The following RHEX variants were observed in gnomAD, a reference collection of about 807,000 sequenced individuals.
The protein encoded by RHEX is regulator of hemoglobinization and erythroid cell expansion.
Under a neutral mutation model 20.1 loss-of-function variants are expected in RHEX, and 18 were observed. The observed-to-expected ratio is 0.90, with a 90% CI of 0.62 to 1.33. The LOEUF is 1.33. RHEX is among the 40% of genes most tolerant of loss of function. RHEX has a pLI of 0.00. For synonymous variants in RHEX, 87 were observed against 77.1 expected (o/e 1.13, Z -0.67); for missense variants, 192 against 214.3 (o/e 0.90, Z 0.65).
intron 1 of RHEX, 123 bp from the exon 2 acceptor site, chr1:206,097,610 C>A: frequency 1.6e-6 from 1 of 622,232 alleles, no homozygotes; most frequent in Non-Finnish European, 2.8e-6. Context: ...AAAGTGGGGA[C>A]TGAAGCAAGT....
chr1:206,062,623 T>C (rs1662328259), intron 1 of RHEX, among the ~76,000 whole-genome samples: 3 of 151,608 alleles, frequency 2.0e-5, no homozygotes, highest in African/African-American at 7.3e-5. Flanking sequence ...ATGCCAGATG[T>C]GGAGGAGGAG....
At chr1:206,093,192 T>C (rs1412720687) in intron 1 of RHEX, among the ~76,000 whole-genome samples, 2 of 152,234 alleles carry the variant, frequency 1.3e-5, no homozygotes, top group Non-Finnish European at 2.9e-5. Context: ...AAAGAAAGTT[T>C]ACAGCTACTT....
chr1:206,064,233 C>A (rs539856876), intron 1 of RHEX, among the ~76,000 whole-genome samples: 2 of 147,650 alleles, frequency 1.4e-5, no homozygotes, highest in Non-Finnish European at 3.0e-5. Flanking sequence ...CGTCTCTGCC[C>A]GGCAGCCACC....
intron 1 of RHEX, among the ~76,000 whole-genome samples, chr1:206,082,373 C>T (rs1315197602): frequency 1.3e-5 from 2 of 151,932 alleles, no homozygotes; most frequent in Non-Finnish European, 2.9e-5. Context: ...CAAAAATTAG[C>T]CAGGTGTGGT....
intron 5 of RHEX, 117 bp from the exon 6 acceptor site, chr1:206,101,630 GACCCA>G: frequency 1.4e-6 from 1 of 731,458 alleles, no homozygotes; most frequent in East Asian, 2.7e-5. Context: ...CAGCTATTTG[GACCCA>G]GATCTTCCCC....
chr1:206,065,011 T>C (rs1367851651), intron 1 of RHEX, among the ~76,000 whole-genome samples: 4 of 152,114 alleles, frequency 2.6e-5, no homozygotes, highest in African/African-American at 9.7e-5. Context: ...ATGTGCTGTG[T>C]CCACTCAGAG....
intron 1 of RHEX, among the ~76,000 whole-genome samples, chr1:206,088,960 C>T (rs1330752847): frequency 1.3e-5 from 2 of 152,090 alleles, no homozygotes; most frequent in Non-Finnish European, 2.9e-5. Flanking sequence ...TCTGGGAGTA[C>T]AGGTGCACTC....
intron 1 of RHEX, among the ~76,000 whole-genome samples, chr1:206,062,534 T>G (rs1553283422): frequency 6.6e-6 from 1 of 152,214 alleles, no homozygotes; most frequent in Admixed American, 6.5e-5. Context: ...GGGTGTCAAC[T>G]TAGGAGTCAT....
In RHEX at chr1:206,101,733, T is replaced by G. The variant is rs1553288428; in HGVS notation, c.319-19T>G. The G allele has an allele frequency of 1.3e-6, 2 of 1,595,840 alleles. No individual in the cohort carries two copies. The highest frequency in any genetic ancestry group is 1.1e-5 in the South Asian group (1 of 89,840). ...CGTGGTAGGGATCTTGACCCACATG[T>G]CTCTGCTTTTCTCCTAAGGCCACAG... On this transcript the variant is annotated intron_variant, in intron 5 of 5. Transcript: ENST00000331555.
chr1:206,078,561 CA>C (rs1276635650), intron 1 of RHEX, among the ~76,000 whole-genome samples: 1 of 151,206 alleles, frequency 6.6e-6, no homozygotes, highest in African/African-American at 2.4e-5. Flanking sequence ...ACCCTGTTTC[CA>C]AAAAAATAAA....
intron 1 of RHEX, among the ~76,000 whole-genome samples, chr1:206,089,448 A>T (rs1191036542): frequency 1.3e-5 from 2 of 152,330 alleles, no homozygotes; most frequent in East Asian, 3.8e-4. Context: ...AGTTCTTCCT[A>T]AATGTAATTT....
chr1:206,077,862 G>T (rs1484232756), intron 1 of RHEX, among the ~76,000 whole-genome samples: 2 of 152,144 alleles, frequency 1.3e-5, no homozygotes, highest in Non-Finnish European at 2.9e-5. Flanking sequence ...TTTCTGTTAA[G>T]TACTTACCTG....
At chr1:206,096,935 G>A (rs1175050583) in intron 1 of RHEX, among the ~76,000 whole-genome samples, 16 of 151,696 alleles carry the variant, frequency 1.1e-4, no homozygotes, top group African/African-American at 3.6e-4. Context: ...CCACCATGCC[G>A]GGATAATTTT....
rs116564620 is a variant in RHEX at position 206,067,045 on chromosome 1, G to A, written c.-97+13780G>A. Among the ~76,000 whole-genome samples the A allele has an allele frequency of 3.0e-3, 451 of 152,294 alleles. 5 individuals carry two copies. Among genetic ancestry groups the A allele is most frequent in the African/African-American group, 9.6e-3 (398 of 41,546 alleles). ...TGATAAGGGAGTGGAGTCTGGCCAC[G>A]GTGTCAGGTGATCTGCTGAAGTCCA... On this transcript the variant is annotated intron_variant, in intron 1 of 5. Transcript: ENST00000331555. The surrounding 1 kb of genome is among the most constrained non-coding windows in gnomAD (Gnocchi z 4.6).
At chr1:206,070,989 G>T (rs1245418146) in intron 1 of RHEX, among the ~76,000 whole-genome samples, 1 of 152,162 alleles carries the variant, frequency 6.6e-6, no homozygotes, top group Non-Finnish European at 1.5e-5. Flanking sequence ...TAAGATATAC[G>T]TATATATAAA....
intron 1 of RHEX, among the ~76,000 whole-genome samples, chr1:206,097,024 C>T (rs369911301): frequency 3.9e-5 from 6 of 152,272 alleles, no homozygotes; most frequent in Admixed American, 2.6e-4. Context: ...ATCTGCCCAC[C>T]TCAGCCTCCA....
chr1:206,073,665 T>C (rs1553284906), intron 1 of RHEX, among the ~76,000 whole-genome samples: 1 of 152,100 alleles, frequency 6.6e-6, no homozygotes. Context: ...CCTCCATGAC[T>C]CCCTGTCTCG....
At chr1:206,101,660 G>A (rs1389357631) in intron 5 of RHEX, 92 bp from the exon 6 acceptor site, 4 of 988,522 alleles carry the variant, frequency 4.0e-6, no homozygotes, top group South Asian at 2.9e-5. Flanking sequence ...AGCCATGGGC[G>A]AATCTTGTTG....
At chr1:206,082,777 T>C (rs1414899722) in intron 1 of RHEX, among the ~76,000 whole-genome samples, 1 of 152,170 alleles carries the variant, frequency 6.6e-6, no homozygotes, top group African/African-American at 2.4e-5. Flanking sequence ...ACTCAGAAGC[T>C]ATTACTCAAA....
Sources: allele counts gnomAD v4.1 joint callset (sites outside exome capture counted in the v4.1 genomes callset), GRCh38; gene constraint gnomAD v4.1.1; non-coding constraint Gnocchi (gnomAD v3.1); transcripts MANE v1.5; gene names NCBI Gene and HGNC (gene_info 2026-07-23, HGNC 2026-07-21).